Variants in KLF12 observed in about 807,000 individuals in gnomAD.
KLF12 encodes KLF transcription factor 12.
KLF12 carries 9 observed loss-of-function variants against 37.8 expected under a neutral mutation model. That is an observed-to-expected ratio of 0.24 (90% CI 0.14 to 0.42). The LOEUF is 0.42. Ranked by LOEUF, KLF12 falls within the 10% of genes least tolerant of loss-of-function variation. The pLI, the probability that KLF12 is intolerant of heterozygous loss-of-function variation, is 1.00. For synonymous variants in KLF12, 208 were observed against 202.1 expected (o/e 1.03, Z -0.25); for missense variants, 411 against 516.0 (o/e 0.80, Z 1.97).
intron 1 of KLF12, among the ~76,000 whole-genome samples, chr13:74,067,744 T>C (rs1874000400): frequency 1.3e-5 from 2 of 152,158 alleles, no homozygotes; most frequent in Admixed American, 6.5e-5. Flanking sequence ...AGTGGATAAA[T>C]GACAGAGAAA....
chr13:73,802,806 T>C (rs896940029), intron 5 of KLF12, among the ~76,000 whole-genome samples: 1 of 152,208 alleles, frequency 6.6e-6, no homozygotes, highest in African/African-American at 2.4e-5. Flanking sequence ...AATTTCATTC[T>C]TTTTTATGGC....
the KLF12 span, among the ~76,000 whole-genome samples, chr13:74,158,391 C>T: frequency 4.6e-5 from 7 of 152,102 alleles, no homozygotes; most frequent in Non-Finnish European, 8.8e-5. Context: ...AGTGACCTGC[C>T]GGTGTTAGAG....
Position 73,738,120 on chromosome 13 carries a change from T to TACACACAC in KLF12, c.870-22596_870-22595insGTGTGTGT, listed in dbSNP as rs1170394263. On this transcript the variant is annotated intron_variant, in intron 6 of 7. Coordinates refer to ENST00000377669, the MANE Select transcript of KLF12 (RefSeq NM_007249.5). ...ATATATATATATATATATATATATATATATACACACACACACATATATATA... is the reference window on the plus strand; with the variant it reads ...ATATATATATATATATATATATATATACACACACATATACACACACACACATATATATA... Among the ~76,000 whole-genome samples the TACACACAC allele has an allele frequency of 2.7e-3, 188 of 70,412 alleles. 2 individuals are homozygous for TACACACAC. The highest frequency in any genetic ancestry group is 3.4e-3 in the Non-Finnish European group (125 of 37,060). The allele number at this position is 70,412 out of a possible 152,430, so 46.2% of individuals were successfully genotyped here.
At chr13:74,205,943 A>C in the KLF12 span, among the ~76,000 whole-genome samples, 1 of 152,186 alleles carries the variant, frequency 6.6e-6, no homozygotes, top group African/African-American at 2.4e-5. Context: ...CTGGGCTTCC[A>C]GTTGCCTTGG....
the KLF12 span, among the ~76,000 whole-genome samples, chr13:74,219,051 G>C: frequency 6.6e-6 from 1 of 151,180 alleles, no homozygotes; most frequent in African/African-American, 2.4e-5. Context: ...TCCATCTCTG[G>C]GTTCAAGTGA....
chr13:73,856,626 T>C (rs1447272370), intron 3 of KLF12, among the ~76,000 whole-genome samples: 1 of 151,916 alleles, frequency 6.6e-6, no homozygotes. Flanking sequence ...CATCTATCCC[T>C]AACTACTCAA....
At chr13:73,727,173 C>T (rs1476082139) in intron 6 of KLF12, among the ~76,000 whole-genome samples, 1 of 151,800 alleles carries the variant, frequency 6.6e-6, no homozygotes, top group African/African-American at 2.4e-5. Context: ...GATGCAAGTC[C>T]CTTATCAGAT....
rs139871761 is a variant in KLF12 at position 73,715,791 on chromosome 13, G to C, written c.870-266C>G. Among the ~76,000 whole-genome samples, 392 of 152,350 alleles carry C rather than the reference G, an allele frequency of 2.6e-3. 1 individual carries two copies. Among genetic ancestry groups the C allele is most frequent in the African/African-American group, 8.8e-3 (366 of 41,578 alleles). ...CAAAAACTGAAAGTAAATGAAAGCA[G>C]TGGTAGGTGAGTATTTCCTCATTAT... is the stretch of plus-strand genomic sequence containing the variant. On this transcript the variant is annotated intron_variant, in intron 6 of 7. Coordinates refer to ENST00000377669, the MANE Select transcript of KLF12 (RefSeq NM_007249.5).
chr13:74,070,587 G>A (rs947084444), intron 1 of KLF12, among the ~76,000 whole-genome samples: 1 of 152,164 alleles, frequency 6.6e-6, no homozygotes, highest in African/African-American at 2.4e-5. Flanking sequence ...GCAGAGTGAG[G>A]GGAAGGATGG....
chr13:73,892,943 G>T (rs934480248), intron 3 of KLF12, among the ~76,000 whole-genome samples: 2 of 148,630 alleles, frequency 1.3e-5, no homozygotes, highest in Admixed American at 6.7e-5. Context: ...ATAATAAAAA[G>T]AAATAACATA....
At chr13:74,176,296 A>G in the KLF12 span, among the ~76,000 whole-genome samples, 1 of 152,206 alleles carries the variant, frequency 6.6e-6, no homozygotes, top group African/African-American at 2.4e-5. Flanking sequence ...CTACAACTCT[A>G]CTACCCTCTG....
At chr13:74,181,380 T>G in the KLF12 span, among the ~76,000 whole-genome samples, 1 of 136,164 alleles carries the variant, frequency 7.3e-6, no homozygotes. Flanking sequence ...AAAAGAAAAA[T>G]TGCCAGAAAA....
intron 2 of KLF12, among the ~76,000 whole-genome samples, chr13:73,970,575 C>T (rs1462989746): frequency 6.6e-6 from 1 of 152,080 alleles, no homozygotes; most frequent in Non-Finnish European, 1.5e-5. Context: ...TCCAGGTTGG[C>T]GGGGCCAGCT....
intron 1 of KLF12, among the ~76,000 whole-genome samples, chr13:74,052,958 C>A (rs1873017933): frequency 6.6e-6 from 1 of 152,108 alleles, no homozygotes; most frequent in African/African-American, 2.4e-5. Context: ...TCCCTGGCTA[C>A]CATATGCTCT....
chr13:73,847,900 G>A (rs1268485830), intron 3 of KLF12, among the ~76,000 whole-genome samples: 1 of 152,114 alleles, frequency 6.6e-6, no homozygotes, highest in African/African-American at 2.4e-5. Context: ...AACTAGAACA[G>A]TATTTCAATT....
intron 5 of KLF12, among the ~76,000 whole-genome samples, chr13:73,798,911 G>C (rs1465030459): frequency 2.6e-5 from 4 of 152,152 alleles, no homozygotes; most frequent in Non-Finnish European, 5.9e-5. Flanking sequence ...CCATTACTGG[G>C]TGTATACCGA....
chr13:74,101,678 C>A (rs1238067181), intron 1 of KLF12, among the ~76,000 whole-genome samples: 1 of 152,164 alleles, frequency 6.6e-6, no homozygotes, highest in African/African-American at 2.4e-5. Context: ...ACACAAGAGC[C>A]ACCGTGGCTT....
At chr13:74,295,797 CTT>C in the KLF12 span, among the ~76,000 whole-genome samples, 1 of 151,944 alleles carries the variant, frequency 6.6e-6, no homozygotes. Flanking sequence ...TCTCCATTTT[CTT>C]TTCTTTTTAA....
At chr13:73,886,992 C>CAAAAAAAAAAAAAAACAAAAA (rs1887255267) in intron 3 of KLF12, among the ~76,000 whole-genome samples, 1 of 127,204 alleles carries the variant, frequency 7.9e-6, no homozygotes, top group Non-Finnish European at 1.7e-5. Context: ...AAATCCGTCT[C>CAAAAAAAAAAAAAAACAAAAA]AAAAAAAAAA....
Sources: allele counts gnomAD v4.1 joint callset (sites outside exome capture counted in the v4.1 genomes callset), GRCh38; gene constraint gnomAD v4.1.1; transcripts MANE v1.5; gene names NCBI Gene and HGNC (gene_info 2026-07-23, HGNC 2026-07-21).